The following CFAP20DC variants were observed in gnomAD, a reference collection of about 807,000 sequenced individuals.
The protein encoded by CFAP20DC is protein CFAP20DC.
Under a neutral mutation model 101.7 loss-of-function variants are expected in CFAP20DC, and 84 were observed. That is an observed-to-expected ratio of 0.83 (90% confidence interval 0.69 to 0.99). The LOEUF is 0.99. Among genes scored for constraint, CFAP20DC ranks in the 50% least tolerant of loss-of-function variants. The probability of loss-of-function intolerance (pLI) is 0.00; values close to 1 mark genes in which losing one functional copy is unlikely to be tolerated. For missense variants in CFAP20DC, 1,007 were observed against 970.3 expected (o/e 1.04, Z -0.50); for synonymous variants, 359 against 351.2 (o/e 1.02, Z -0.25).
Position 58,869,323 on chromosome 3 carries a change from C to A in CFAP20DC, c.1015+5G>T. 6.2e-7 allele frequency: 1 copy of A among 1,603,274 alleles called. No homozygotes were observed. Among genetic ancestry groups the A allele is most frequent in the Non-Finnish European group, 8.5e-7 (1 of 1,173,342 alleles). The stretch of plus-strand genomic sequence containing the variant: ...TATCAATCTTTATGCATGATTATTT[C>A]TTACCATGAATAGGTACAGTCTGCT... On this transcript the variant is annotated splice_donor_5th_base_variant and intron_variant, in intron 9 of 16. Coordinates refer to ENST00000482387, the MANE Select transcript of CFAP20DC (RefSeq NM_001394063.1). The surrounding 1 kb of genome is among the most constrained non-coding windows in gnomAD (Gnocchi z 4.3).
At chr3:58,835,285 G>A (rs992178193) in intron 13 of CFAP20DC, among the ~76,000 whole-genome samples, 3 of 152,186 alleles carry the variant, frequency 2.0e-5, no homozygotes, top group Non-Finnish European at 4.4e-5. Flanking sequence ...CCTGAGGAAT[G>A]CAGCACAGAT....
chr3:58,752,070 T>C (rs902943308), intron 16 of CFAP20DC, among the ~76,000 whole-genome samples: 28 of 152,256 alleles, frequency 1.8e-4, no homozygotes, highest in African/African-American at 4.8e-4. Context: ...GCAGAACAGA[T>C]GGAAACACTA....
chr3:58,786,578 C>A (rs2072358128), intron 15 of CFAP20DC, among the ~76,000 whole-genome samples: 2 of 152,006 alleles, frequency 1.3e-5, no homozygotes, highest in Admixed American at 6.6e-5. Flanking sequence ...TGTATCCACA[C>A]CCATTAGTTT....
chr3:59,049,852 C>A lies in CFAP20DC; in HGVS notation c.-221G>T, dbSNP rs1164483918. On this transcript the variant is annotated 5_prime_UTR_variant, in exon 1 of 17. Transcript: ENST00000482387. ...TCAGCACCATTGCGGCTCCAGCCTC[C>A]GCGGTGCCCGGGTCTGGGGAGGGCG... 1.7e-6 allele frequency: 1 copy of A among 605,186 alleles called. No homozygotes were observed. Among genetic ancestry groups the A allele is most frequent in the Non-Finnish European group, 2.9e-6 (1 of 345,108 alleles). The allele number at this position is 605,186 out of a possible 1,614,324, so 37.5% of individuals were successfully genotyped here. A position where few individuals can be genotyped will look rare whatever the true frequency, so the allele number is the denominator to read the frequency against.
Position 58,755,140 on chromosome 3 carries a change from A to T in CFAP20DC, c.2238-1277T>A, listed in dbSNP as rs534643511. Among the ~76,000 whole-genome samples the T allele has an allele frequency of 5.3e-5, 8 of 152,306 alleles. No homozygotes were observed. In the South Asian group the frequency reaches 1.7e-3, roughly 32 times the overall value. Reference sequence around the variant, plus strand: ...GCTTTTCCAGCATAAAAAGCATATTAATGTCAAAATTACCTAATTCCTACT... The same window carrying T: ...GCTTTTCCAGCATAAAAAGCATATTTATGTCAAAATTACCTAATTCCTACT... On this transcript the variant is annotated intron_variant, in intron 15 of 16. Transcript: ENST00000482387.
intron 15 of CFAP20DC, among the ~76,000 whole-genome samples, chr3:58,762,120 T>C (rs2069677309): frequency 6.6e-6 from 1 of 152,212 alleles, no homozygotes; most frequent in Admixed American, 6.5e-5. Context: ...TGGATCTGTC[T>C]AATGTTGACA....
At chr3:58,819,887 T>A (rs1261574159) in intron 14 of CFAP20DC, among the ~76,000 whole-genome samples, 1 of 147,078 alleles carries the variant, frequency 6.8e-6, no homozygotes, top group East Asian at 2.2e-4. Context: ...GATGCAAAAA[T>A]CCTCAATAAA....
intron 4 of CFAP20DC, among the ~76,000 whole-genome samples, chr3:58,976,918 C>A (rs1265421564): frequency 6.6e-6 from 1 of 152,182 alleles, no homozygotes; most frequent in East Asian, 1.9e-4. Context: ...TCTGGCCACC[C>A]ACAACCCTGA....
At chr3:58,745,001 TAAC>T (rs2068097438) in intron 16 of CFAP20DC, among the ~76,000 whole-genome samples, 1 of 152,158 alleles carries the variant, frequency 6.6e-6, no homozygotes, top group South Asian at 2.1e-4. Flanking sequence ...AGGACTTTGC[TAAC>T]AACCACATTA....
rs1427878116 is a variant in CFAP20DC at position 58,804,239 on chromosome 3, ATTATATACTATG to A, written c.2237+2144_2237+2155del. On this transcript the variant is annotated intron_variant, in intron 15 of 16. Coordinates refer to ENST00000482387, the MANE Select transcript of CFAP20DC (RefSeq NM_001394063.1). Reference sequence around the variant, plus strand: ...TGGAGAGGTCAGAGGCTTGTCTGAGATTATATACTATGTTATAGAATTAGGATGAGAATTAGG... The same window carrying A: ...TGGAGAGGTCAGAGGCTTGTCTGAGATTATAGAATTAGGATGAGAATTAGG... 2.0e-5 allele frequency among the ~76,000 whole-genome samples: 3 copies of A among 152,184 alleles called. No individual in the cohort carries two copies. The East Asian group carries it at 5.8e-4, about 29-fold the overall frequency.
At chr3:58,781,891 A>G (rs1240076266) in intron 15 of CFAP20DC, among the ~76,000 whole-genome samples, 1 of 152,016 alleles carries the variant, frequency 6.6e-6, no homozygotes, top group Non-Finnish European at 1.5e-5. Flanking sequence ...TATCCCAAAA[A>G]TTGGAAAAGG....
intron 15 of CFAP20DC, among the ~76,000 whole-genome samples, chr3:58,766,805 C>G (rs1202322632): frequency 6.6e-6 from 1 of 152,180 alleles, no homozygotes; most frequent in Non-Finnish European, 1.5e-5. Context: ...GGCTGTGCCC[C>G]CTTGTCTAGA....
chr3:58,932,898 G>A (rs1016608685), intron 5 of CFAP20DC, among the ~76,000 whole-genome samples: 2 of 152,172 alleles, frequency 1.3e-5, no homozygotes, highest in Admixed American at 6.5e-5. Flanking sequence ...ACATCATAAT[G>A]ACAGGATCAA....
chr3:58,847,593 G>T (rs963500528), intron 13 of CFAP20DC, among the ~76,000 whole-genome samples: 3 of 152,112 alleles, frequency 2.0e-5, no homozygotes, highest in Non-Finnish European at 2.9e-5. Flanking sequence ...TTCAACCGTT[G>T]TGGAAGTCAG....
downstream of CFAP20DC, among the ~76,000 whole-genome samples, chr3:58,739,868 C>T (rs2067842435): frequency 6.6e-6 from 1 of 152,180 alleles, no homozygotes; most frequent in Non-Finnish European, 1.5e-5. Flanking sequence ...TTCAACTCTT[C>T]TGTAGAAATC....
At chr3:58,931,961 G>T (rs1481559159) in intron 5 of CFAP20DC, among the ~76,000 whole-genome samples, 1 of 152,158 alleles carries the variant, frequency 6.6e-6, no homozygotes, top group South Asian at 2.1e-4. Flanking sequence ...GGCTTCAGAT[G>T]ATCAAACTAC....
intron 15 of CFAP20DC, among the ~76,000 whole-genome samples, chr3:58,786,139 C>A (rs114713298): frequency 1.9e-4 from 29 of 152,152 alleles, no homozygotes; most frequent in Non-Finnish European, 3.4e-4. Context: ...ACTCGTTTTT[C>A]TCTTGCTAAT....
At chr3:58,824,454 T>C (rs1027781236) in intron 14 of CFAP20DC, 1 of 152,148 alleles carries the variant, frequency 6.6e-6, no homozygotes, top group Non-Finnish European at 1.5e-5. Context: ...TATAATTAAC[T>C]ACCACGGAGC....
intron 3 of CFAP20DC, among the ~76,000 whole-genome samples, chr3:59,043,466 GGTT>G (rs1401029118): frequency 1.3e-5 from 2 of 151,912 alleles, no homozygotes; most frequent in African/African-American, 4.8e-5. Context: ...GCCACTGAGG[GGTT>G]TTAAACAGAG....
Sources: allele counts gnomAD v4.1 joint callset (sites outside exome capture counted in the v4.1 genomes callset), GRCh38; gene constraint gnomAD v4.1.1; non-coding constraint Gnocchi (gnomAD v3.1); transcripts MANE v1.5; gene names NCBI Gene and HGNC (gene_info 2026-07-23, HGNC 2026-07-21).